Variants in ANKRD13A observed in about 807,000 individuals in gnomAD.
ANKRD13A encodes the protein ankyrin repeat domain 13A, also known as ankyrin repeat domain-containing protein 13A.
ANKRD13A carries 48 observed loss-of-function variants against 81.3 expected under a neutral mutation model. The observed-to-expected ratio is 0.59, with a 90% CI of 0.47 to 0.75. The LOEUF is 0.75. ANKRD13A is among the 30% of genes least tolerant of loss of function. The pLI, the probability that ANKRD13A is intolerant of heterozygous loss-of-function variation, is 0.00. For missense variants in ANKRD13A, 612 were observed against 734.0 expected (o/e 0.83, Z 1.92); for synonymous variants, 230 against 270.1 (o/e 0.85, Z 1.45).
chr12:110,000,972 G>C (rs1889937546), intron 1 of ANKRD13A, among the ~76,000 whole-genome samples: 1 of 151,396 alleles, frequency 6.6e-6, no homozygotes, highest in South Asian at 2.1e-4. Context: ...GGTCAGGCTG[G>C]TCTCAAACTC....
chr12:110,029,651 C>G lies in ANKRD13A; in HGVS notation c.1234+16C>G. On this transcript the variant is annotated intron_variant, in intron 11 of 14. Transcript: ENST00000261739. ...GTCAAAATAGGTACTGCTAAATAAA[C>G]TTCAGCAACACTTGGAGGTTCTGCC... The G allele has an allele frequency of 6.2e-7, 1 of 1,606,754 alleles. No individual in the cohort carries two copies. The highest frequency in any genetic ancestry group is 8.5e-7 in the Non-Finnish European group (1 of 1,173,620).
chr12:110,015,031 C>T (rs2137114286), intron 3 of ANKRD13A, among the ~76,000 whole-genome samples: 1 of 152,278 alleles, frequency 6.6e-6, no homozygotes. Context: ...CCGCCTCGGC[C>T]TCCCAAAGTG....
intron 1 of ANKRD13A, among the ~76,000 whole-genome samples, chr12:110,001,133 G>T (rs183651638): frequency 6.6e-6 from 1 of 151,616 alleles, no homozygotes; most frequent in East Asian, 1.9e-4. Context: ...AACAAACTTA[G>T]CAGTTAGGAT....
In ANKRD13A at chr12:109,999,995, A is replaced by G. The variant is rs1344838287; in HGVS notation, c.96+211A>G. Among the ~76,000 whole-genome samples the G allele has an allele frequency of 6.6e-6, 1 of 152,150 alleles. No homozygotes were observed. The highest frequency in any genetic ancestry group is 1.5e-5 in the Non-Finnish European group (1 of 68,016). On this transcript the variant is annotated intron_variant, in intron 1 of 14. Coordinates refer to ENST00000261739, the MANE Select transcript of ANKRD13A (RefSeq NM_033121.2). The surrounding 1 kb of genome is among the most constrained non-coding windows in gnomAD (Gnocchi z 4.3). ...AATATCTTCTCTCTTCACCTTTCCA[A>G]TAACGCTGGTGGGTAGGTACTGTTA... is the stretch of plus-strand genomic sequence containing the variant.
intron 1 of ANKRD13A, among the ~76,000 whole-genome samples, chr12:110,000,757 T>TC (rs1889916955): frequency 3.9e-5 from 5 of 129,500 alleles, no homozygotes; most frequent in Non-Finnish European, 1.8e-5. Context: ...CTTTCCTTCT[T>TC]TTTTTTTTTT....
chr12:110,015,590 TGC>T (rs1194719211), intron 3 of ANKRD13A, among the ~76,000 whole-genome samples: 1 of 152,178 alleles, frequency 6.6e-6, no homozygotes, highest in Non-Finnish European at 1.5e-5. Flanking sequence ...CTCACTCTGT[TGC>T]CCAGGCTGGA....
chr12:110,022,516 T>C (rs1195322995), intron 6 of ANKRD13A: 3 of 150,126 alleles, frequency 2.0e-5, no homozygotes, highest in Non-Finnish European at 4.4e-5. Flanking sequence ...GGAGCAGAGG[T>C]AGCCCGGTGA....
chr12:110,024,128 T>C lies in ANKRD13A; in HGVS notation c.801+16T>C. 1 of 1,583,380 alleles carries C rather than the reference T, an allele frequency of 6.3e-7. No individual in the cohort carries two copies. Among genetic ancestry groups the C allele is most frequent in the Non-Finnish European group, 8.5e-7 (1 of 1,169,656 alleles). On this transcript the variant is annotated intron_variant, in intron 7 of 14. Coordinates refer to ENST00000261739, the MANE Select transcript of ANKRD13A (RefSeq NM_033121.2). ...CGAAGCAAAGGTAAAAGGAAACTCT[T>C]AAAATAAGATTTAATATAGCTATTT...
At chr12:110,005,249 C>T (rs1219947044) in intron 1 of ANKRD13A, among the ~76,000 whole-genome samples, 1 of 152,072 alleles carries the variant, frequency 6.6e-6, no homozygotes, top group African/African-American at 2.4e-5. Context: ...TTAAGCAATC[C>T]TCCCACCTCA....
chr12:110,004,523 G>T (rs778764380), intron 1 of ANKRD13A, among the ~76,000 whole-genome samples: 11 of 151,938 alleles, frequency 7.2e-5, no homozygotes, highest in Non-Finnish European at 1.5e-4. Context: ...GCTGAGGCAG[G>T]AGAATTGCTT....
intron 5 of ANKRD13A, 66 bp from the exon 6 acceptor site, chr12:110,019,073 C>T (rs575695821): frequency 5.4e-6 from 8 of 1,470,400 alleles, no homozygotes; most frequent in Non-Finnish European, 5.5e-6. Flanking sequence ...TTTTAACATA[C>T]GAAGCTTCCT....
Position 110,036,571 on chromosome 12 carries a change from A to C in ANKRD13A, c.1577+243A>C, listed in dbSNP as rs1303054690. 2.0e-5 allele frequency among the ~76,000 whole-genome samples: 3 copies of C among 152,106 alleles called. No individual in the cohort carries two copies. The highest frequency in any genetic ancestry group is 4.8e-5 in the African/African-American group (2 of 41,428). ...GAGACCATCCTGGCTAACACGGTGA[A>C]ACCCTGTCTCTCCTAAAAAAAATAC... On this transcript the variant is annotated intron_variant, in intron 14 of 14. Transcript: ENST00000261739. The surrounding 1 kb of genome is among the most constrained non-coding windows in gnomAD (Gnocchi z 4.6).
chr12:110,010,577 GT>G, intron 1 of ANKRD13A, among the ~76,000 whole-genome samples: 1 of 152,198 alleles, frequency 6.6e-6, no homozygotes, highest in Non-Finnish European at 1.5e-5. Flanking sequence ...CTTGGGAAGA[GT>G]CAGGGAATCA....
chr12:110,034,818 CTTCCA>C (rs2137186719), intron 13 of ANKRD13A, among the ~76,000 whole-genome samples: 1 of 152,262 alleles, frequency 6.6e-6, no homozygotes, highest in Admixed American at 6.5e-5. Flanking sequence ...TTGGCTTTTT[CTTCCA>C]TTCTTCATTC....
chr12:110,034,190 T>C (rs116732860), intron 13 of ANKRD13A, among the ~76,000 whole-genome samples: 2 of 152,232 alleles, frequency 1.3e-5, no homozygotes, highest in Admixed American at 1.3e-4. Context: ...AGGCAGACTT[T>C]CCTTTTCCTC....
At chr12:110,017,762 G>A (rs974199411) in intron 4 of ANKRD13A, among the ~76,000 whole-genome samples, 2 of 151,938 alleles carry the variant, frequency 1.3e-5, no homozygotes, top group African/African-American at 4.8e-5. Context: ...GTGAAACCCC[G>A]TCTCTACAAA....
Position 110,028,517 on chromosome 12 carries a change from C to A in ANKRD13A, c.951C>A (p.Leu317=). The stretch of plus-strand genomic sequence containing the variant: ...CCTGAGTTCTGGCTCAGCAGGACCT[C>A]ACCACGGAATGTGCTACTGCAAACA... The part of the protein sequence containing the change: ...VEHQFGAQGD[L]TTECATANNP... The change falls in exon 10 of 15, where the codon CTC becomes CTA. Residue 317 remains leucine (L), a synonymous_variant. Coordinates refer to ENST00000261739, the MANE Select transcript of ANKRD13A (RefSeq NM_033121.2). 1 of 1,614,066 alleles carries A rather than the reference C, an allele frequency of 6.2e-7. No homozygotes were observed. Among genetic ancestry groups the A allele is most frequent in the Non-Finnish European group, 8.5e-7 (1 of 1,179,964 alleles).
chr12:110,004,438 A>G (rs530238925), intron 1 of ANKRD13A, among the ~76,000 whole-genome samples: 1 of 151,996 alleles, frequency 6.6e-6, no homozygotes, highest in African/African-American at 2.4e-5. Context: ...CAACACAGAG[A>G]AACCCCGTCT....
chr12:110,014,789 C>CTTTTTTTTTT (rs761398140), intron 3 of ANKRD13A, among the ~76,000 whole-genome samples: 1 of 135,706 alleles, frequency 7.4e-6, no homozygotes, highest in African/African-American at 3.1e-5. Context: ...CATTTCTCTT[C>CTTTTTTTTTT]TTTTTTTTTT....
Sources: gnomAD v4.1 joint callset for allele counts (sites outside exome capture counted in the v4.1 genomes callset) on GRCh38, gnomAD v4.1.1 for gene constraint, Gnocchi (gnomAD v3.1) non-coding constraint, MANE v1.5 for transcripts, NCBI Gene and HGNC (gene_info 2026-07-23, HGNC 2026-07-21) for gene names.